The following ZNF821 variants were observed in gnomAD, a reference collection of about 807,000 sequenced individuals.
The protein encoded by ZNF821 is zinc finger protein 821.
In ZNF821, 16 loss-of-function variants were observed where a neutral mutation model predicts 44.3. The ratio of observed to expected loss-of-function variants is 0.36; its 90% CI spans 0.24 to 0.55. ZNF821 has a LOEUF of 0.55. Ranked by LOEUF, ZNF821 falls within the 20% of genes least tolerant of loss-of-function variation. The pLI, the probability that ZNF821 is intolerant of heterozygous loss-of-function variation, is 0.86. For missense variants in ZNF821, 436 were observed against 547.6 expected (o/e 0.80, Z 2.03); for synonymous variants, 204 against 197.6 (o/e 1.03, Z -0.27).
At chr16:71,874,255 C>G (rs1183083304) in intron 3 of ZNF821, among the ~76,000 whole-genome samples, 1 of 152,020 alleles carries the variant, frequency 6.6e-6, no homozygotes, top group Admixed American at 6.6e-5. Context: ...AGCCACTGAG[C>G]CCGACCTGGG....
chr16:71,870,801 T>C (rs1419698579), intron 3 of ZNF821, among the ~76,000 whole-genome samples: 16 of 152,206 alleles, frequency 1.1e-4, no homozygotes, highest in Admixed American at 9.8e-4. Context: ...GTAATAGTTA[T>C]TGAATTCTTT....
At chr16:71,873,266 G>A (rs960866210) in intron 3 of ZNF821, among the ~76,000 whole-genome samples, 5 of 151,880 alleles carry the variant, frequency 3.3e-5, no homozygotes, top group South Asian at 2.1e-4. Context: ...AGGTTGCAGT[G>A]AGCCAAGATC....
Position 71,860,348 on chromosome 16 carries a change from G to T in ZNF821, c.909C>A (p.Ala303=). Reference sequence around the variant, plus strand: ...TCTCCTGCATGCGCTGCAAGCGCTTGGCTTCACGGTCCCTCATGCGCCTCA... The same window carrying T: ...TCTCCTGCATGCGCTGCAAGCGCTTTGCTTCACGGTCCCTCATGCGCCTCA... The part of the protein sequence containing the change: ...REVRRMRDRE[A]KRLQRMQETD... The change falls in exon 8 of 8, where the codon GCC becomes GCA. Residue 303 remains alanine, a synonymous_variant. Transcript: ENST00000425432. The surrounding 1 kb of genome is among the most constrained non-coding windows in gnomAD (Gnocchi z 7.3). 1 of 1,611,752 alleles carries T rather than the reference G, an allele frequency of 6.2e-7. No homozygotes were observed. Among genetic ancestry groups the T allele is most frequent in the East Asian group, 2.2e-5 (1 of 44,866 alleles).
At chr16:71,887,020 A>G (rs1222989653), upstream of ZNF821, among the ~76,000 whole-genome samples, 1 of 152,172 alleles carries the variant, frequency 6.6e-6, no homozygotes, top group Non-Finnish European at 1.5e-5. Context: ...TCAGTACTTA[A>G]TTCCTTTTTA....
chr16:71,895,160 A>G, exon 1 of ZNF821: 1 of 259,150 alleles, frequency 3.9e-6, no homozygotes, highest in South Asian at 4.6e-5. Context: ...GGCGTCAGAG[A>G]GGCGGTACTG....
At position 71,860,332 on chromosome 16, in the gene ZNF821, T is replaced by A. The variant is rs1462721816; in HGVS notation, c.925A>T (p.Met309Leu). ...GCCCGCTGCTCGTCTGTCTCCTGCA[T>A]GCGCTGCAAGCGCTTGGCTTCACGG... is the stretch of plus-strand genomic sequence containing the variant. ...RDREAKRLQRMQETDEQRARR... is the reference protein window; with the variant it reads ...RDREAKRLQRLQETDEQRARR... Residue 309 changes from methionine (M) to leucine (L), a missense_variant, in exon 8 of 8, where the codon ATG becomes TTG. Met to Leu is a conservative substitution (Grantham distance 15). Transcript: ENST00000425432. This position sits in a 1 kb window ranked among gnomAD's most constrained non-coding sequence, Gnocchi z 7.3. 1.9e-6 allele frequency: 3 copies of A among 1,612,286 alleles called. No individual in the cohort carries two copies. The highest frequency in any genetic ancestry group is 2.5e-6 in the Non-Finnish European group (3 of 1,179,982).
At chr16:71,873,915 A>G (rs2035506032) in intron 3 of ZNF821, among the ~76,000 whole-genome samples, 1 of 150,628 alleles carries the variant, frequency 6.6e-6, no homozygotes, top group Non-Finnish European at 1.5e-5. Context: ...AGACTCCCAA[A>G]GTGCTGAGAT....
intron 3 of ZNF821, among the ~76,000 whole-genome samples, chr16:71,877,261 GTTTTTGT>G (rs1424797561): frequency 6.6e-6 from 1 of 151,828 alleles, no homozygotes; most frequent in Non-Finnish European, 1.5e-5. Flanking sequence ...TAGTTTTTTG[GTTTTTGT>G]TTGTTTGTTT....
chr16:71,888,239 G>T (rs564235610), upstream of ZNF821, among the ~76,000 whole-genome samples: 22 of 152,006 alleles, frequency 1.4e-4, no homozygotes, highest in African/African-American at 5.3e-4. Flanking sequence ...TATTTATTTG[G>T]TCACGGCACA....
chr16:71,880,422 CAT>C (rs1337268814), intron 2 of ZNF821: 1 of 152,940 alleles, frequency 6.5e-6, no homozygotes, highest in Non-Finnish European at 1.5e-5. Context: ...TGGCAGCTCA[CAT>C]GTCACATGCC....
rs532519162 is a variant in ZNF821, at chr16:71,894,808, G to A, written n.448+81C>T. 27 of 1,531,178 alleles carry A rather than the reference G, an allele frequency of 1.8e-5. No homozygotes were observed. The African/African-American group carries it at 3.4e-4, about 19-fold the overall frequency. 94.8% of individuals were successfully genotyped at this position (1,531,178 alleles called of 1,614,324 possible). A position where few individuals can be genotyped will look rare whatever the true frequency, so the allele number is the denominator to read the frequency against. The stretch of plus-strand genomic sequence containing the variant: ...GCCCCGCCTCTCAAAGTGCTGGGAA[G>A]GTCCCTTCCAGGCTTAAGCAGCGAT... On this transcript the variant is annotated intron_variant and non_coding_transcript_variant, in intron 1 of 2. Transcript: ENST00000561700.
intron 3 of ZNF821, among the ~76,000 whole-genome samples, chr16:71,871,188 G>A (rs2035158864): frequency 6.6e-6 from 1 of 152,250 alleles, no homozygotes; most frequent in South Asian, 2.1e-4. Flanking sequence ...AGGACTCTTA[G>A]GCAATCTCAC....
chr16:71,868,767 A>T (rs2034840478), intron 3 of ZNF821, among the ~76,000 whole-genome samples: 1 of 151,050 alleles, frequency 6.6e-6, no homozygotes, highest in Non-Finnish European at 1.5e-5. Flanking sequence ...TTTGAGAGAG[A>T]GTCTCACTCT....
At chr16:71,878,807 C>T (rs2036126399) in intron 3 of ZNF821, among the ~76,000 whole-genome samples, 1 of 151,708 alleles carries the variant, frequency 6.6e-6, no homozygotes, top group Non-Finnish European at 1.5e-5. Flanking sequence ...TGGCGAGCAC[C>T]TTAATCCCAG....
At chr16:71,876,499 C>G (rs918772381) in intron 3 of ZNF821, among the ~76,000 whole-genome samples, 1 of 152,030 alleles carries the variant, frequency 6.6e-6, no homozygotes, top group Non-Finnish European at 1.5e-5. Context: ...ACCACCTGTG[C>G]CCGGCCACTT....
At chr16:71,888,160 A>C (rs1342912188), upstream of ZNF821, among the ~76,000 whole-genome samples, 1 of 152,158 alleles carries the variant, frequency 6.6e-6, no homozygotes, top group Non-Finnish European at 1.5e-5. Context: ...TACAGGCATG[A>C]ACCACTGCGC....
rs1555500247 is a variant in ZNF821 at position 71,863,421 on chromosome 16, T to TTTTA, written c.417+716_417+717insTAAA. Among the ~76,000 whole-genome samples, 7 of 144,452 alleles carry TTTTA rather than the reference T, an allele frequency of 4.8e-5. 1 individual carries two copies. Among genetic ancestry groups the TTTTA allele is most frequent in the Non-Finnish European group, 9.0e-5 (6 of 66,386 alleles). 94.8% of individuals were successfully genotyped at this position (144,452 alleles called of 152,430 possible). On this transcript the variant is annotated intron_variant, in intron 6 of 7. Coordinates refer to ENST00000425432, the MANE Select transcript of ZNF821 (RefSeq NM_001201552.2). ...AATCTCTTTTTTTTTTTTTTTTTTT[T>TTTTA]AATACAGTCTCACTCTGTCACCCTA...
intron 2 of ZNF821, 33 bp from the exon 3 acceptor site, chr16:71,880,056 C>T: frequency 9.8e-7 from 1 of 1,025,236 alleles, no homozygotes; most frequent in Non-Finnish European, 1.4e-6. Context: ...TAGCACATGT[C>T]ATTTTCCCCA....
chr16:71,870,008 T>C (rs2035006887), intron 3 of ZNF821, among the ~76,000 whole-genome samples: 2 of 152,222 alleles, frequency 1.3e-5, no homozygotes, highest in East Asian at 1.9e-4. Flanking sequence ...TCAGATGGTT[T>C]TGCTGAAAAC....
Sources: gnomAD v4.1 joint callset for allele counts (sites outside exome capture counted in the v4.1 genomes callset) on GRCh38, gnomAD v4.1.1 for gene constraint, Gnocchi (gnomAD v3.1) non-coding constraint, MANE v1.5 for transcripts, NCBI Gene and HGNC (gene_info 2026-07-23, HGNC 2026-07-21) for gene names.